Variants in PACS2 observed in about 807,000 individuals in gnomAD.
PACS2 encodes the protein PACS1-like protein.
In PACS2, 36 loss-of-function variants were observed where a neutral mutation model predicts 113.0. The ratio of observed to expected loss-of-function variants is 0.32; its 90% CI spans 0.24 to 0.42. PACS2 has a LOEUF of 0.42. Ranked by LOEUF, PACS2 falls within the 10% of genes least tolerant of loss-of-function variation. PACS2 has a pLI of 1.00. For missense variants in PACS2, 1,015 were observed against 1,239.5 expected (o/e 0.82, Z 2.72); for synonymous variants, 589 against 536.1 (o/e 1.10, Z -1.36).
chr14:105,383,679 TTTG>T, intron 16 of PACS2, 166 bp downstream of exon 16: 1 of 597,198 alleles, frequency 1.7e-6, no homozygotes, highest in Non-Finnish European at 2.9e-6. Context: ...TTGCTACACA[TTTG>T]TTGTTTTTAA....
intron 1 of PACS2, among the ~76,000 whole-genome samples, chr14:105,306,647 C>T (rs775917354): frequency 2.8e-4 from 43 of 151,666 alleles, no homozygotes; most frequent in Admixed American, 1.8e-3. Flanking sequence ...GCTGTGTCGC[C>T]CAGGCTGTAG....
At chr14:105,341,724 A>G (rs2059731847) in intron 1 of PACS2, among the ~76,000 whole-genome samples, 1 of 152,208 alleles carries the variant, frequency 6.6e-6, no homozygotes, top group Non-Finnish European at 1.5e-5. Flanking sequence ...TATGTTTTAG[A>G]GACAGAGTCT....
At position 105,330,646 on chromosome 14, in the gene PACS2, C is replaced by T. The variant is rs1250701847; in HGVS notation, c.119+15609C>T. Among the ~76,000 whole-genome samples, 1 of 152,228 alleles carries T rather than the reference C, an allele frequency of 6.6e-6. No homozygotes were observed. The highest frequency in any genetic ancestry group is 1.5e-5 in the Non-Finnish European group (1 of 68,028). ...ACCCCTCGCCCCTGTCTCCACGGAGCACCGTGGGACTCTGGCATCAGAATC... is the reference window on the plus strand; with the variant it reads ...ACCCCTCGCCCCTGTCTCCACGGAGTACCGTGGGACTCTGGCATCAGAATC... On this transcript the variant is annotated intron_variant, in intron 1 of 24. Transcript: ENST00000447393. This position sits in a 1 kb window ranked among gnomAD's most constrained non-coding sequence, Gnocchi z 6.9.
At chr14:105,392,549 CAG>C (rs1555415193) in intron 22 of PACS2, 68 bp from the exon 23 acceptor site, 1 of 1,363,138 alleles carries the variant, frequency 7.3e-7, no homozygotes, top group Non-Finnish European at 1.0e-6. Flanking sequence ...TGGCCTGTCA[CAG>C]GGACAGTGAT....
At chr14:105,385,608 T>G in intron 18 of PACS2, 77 bp from the exon 19 acceptor site, 1 of 961,824 alleles carries the variant, frequency 1.0e-6, no homozygotes, top group Non-Finnish European at 1.5e-6. Context: ...AGCCACTGAG[T>G]GCCCTCGGCG....
At chr14:105,349,336 G>T (rs1166747686) in intron 2 of PACS2, among the ~76,000 whole-genome samples, 1 of 152,248 alleles carries the variant, frequency 6.6e-6, no homozygotes, top group African/African-American at 2.4e-5. Flanking sequence ...CAGCATACAG[G>T]AGTGTCCTTC....
chr14:105,367,396 C>T (rs782651823), intron 5 of PACS2, 21 bp downstream of exon 5: 15 of 1,607,606 alleles, frequency 9.3e-6, no homozygotes, highest in Non-Finnish European at 1.3e-5. Flanking sequence ...TGCCAGCCCG[C>T]TCCTGCCCCT....
chr14:105,381,125 G>A (rs1555411923), intron 12 of PACS2, 26 bp downstream of exon 12: 2 of 1,597,940 alleles, frequency 1.3e-6, no homozygotes, highest in South Asian at 1.1e-5. Context: ...CGGCGGGGCG[G>A]GGCGGTGATG....
chr14:105,376,849 A>G lies in PACS2; in HGVS notation c.883A>G (p.Met295Val), dbSNP rs377119981. 32 of 1,613,080 alleles carry G rather than the reference A, an allele frequency of 2.0e-5. No individual in the cohort carries two copies. The highest frequency in any genetic ancestry group is 4.0e-5 in the African/African-American group (3 of 74,918). ...DLDLLYDTLD[M>V]EHPSDSGPDM... ...GGACCTCCTGTATGACACCCTGGAC[A>G]TGGAGCACCCCAGCGACAGCGGCCC... The change falls in exon 9 of 25, where the codon ATG becomes GTG. Residue 295 changes from methionine to valine, a missense_variant. Physicochemically the swap from Met to Val is conservative, Grantham distance 21 (BLOSUM62 1). Around this residue, in one of 3 missense-constraint regions of PACS2, gnomAD observed 859 missense variants for 1,056.8 expected, o/e 0.81. Transcript: ENST00000447393. The surrounding 1 kb of genome is among the most constrained non-coding windows in gnomAD (Gnocchi z 4.7).
intron 10 of PACS2, 67 bp downstream of exon 10, chr14:105,379,896 T>C: frequency 6.7e-7 from 1 of 1,489,822 alleles, no homozygotes. Flanking sequence ...GTGGCCCAAA[T>C]CTCCCAGCAT....
In PACS2 at chr14:105,376,988, C is replaced by T. The variant is rs919377781; in HGVS notation, c.959+63C>T. On this transcript the variant is annotated intron_variant, in intron 9 of 24. Transcript: ENST00000447393. The surrounding 1 kb of genome is among the most constrained non-coding windows in gnomAD (Gnocchi z 4.7). Reference sequence around the variant, plus strand: ...TTCAGATGCCCCGGCCACTCTGCGACCACTCTGGCAGACCCATGTCCAGCC... The same window carrying T: ...TTCAGATGCCCCGGCCACTCTGCGATCACTCTGGCAGACCCATGTCCAGCC... 6 of 1,490,896 alleles carry T rather than the reference C, an allele frequency of 4.0e-6. No individual in the cohort carries two copies. In the African/African-American group the frequency reaches 5.6e-5, roughly 14 times the overall value. The allele number at this position is 1,490,896 out of a possible 1,614,324, so 92.4% of individuals were successfully genotyped here.
At chr14:105,368,971 G>A (rs1287646591) in intron 7 of PACS2, among the ~76,000 whole-genome samples, 3 of 152,360 alleles carry the variant, frequency 2.0e-5, no homozygotes, top group Non-Finnish European at 2.9e-5. Context: ...TTTTCCCTGA[G>A]GAAAGCTCAG....
intron 1 of PACS2, among the ~76,000 whole-genome samples, chr14:105,335,908 C>T (rs2059499008): frequency 6.6e-6 from 1 of 152,242 alleles, no homozygotes; most frequent in Admixed American, 6.5e-5. Context: ...GGAACTCTCT[C>T]CATGAGGACG....
intron 15 of PACS2, 92 bp from the exon 16 acceptor site, chr14:105,383,267 A>C: frequency 6.9e-7 from 1 of 1,447,790 alleles, no homozygotes; most frequent in Non-Finnish European, 9.6e-7. Flanking sequence ...ACAGGCACGG[A>C]GCCCCCTGGG....
chr14:105,362,208 G>A (rs2060722393), intron 4 of PACS2, among the ~76,000 whole-genome samples: 1 of 151,310 alleles, frequency 6.6e-6, no homozygotes, highest in Non-Finnish European at 1.5e-5. Context: ...CACGAGGTCA[G>A]GAGATCAAGA....
At chr14:105,364,481 T>TGGGCGGCGGCCC (rs1555407479) in intron 4 of PACS2, among the ~76,000 whole-genome samples, 7 of 130,422 alleles carry the variant, frequency 5.4e-5, no homozygotes, top group African/African-American at 1.2e-4. Context: ...GGGTGCGCGG[T>TGGGCGGCGGCCC]GGGTGGCGGC....
In PACS2 at chr14:105,387,540, CAT is replaced by C. The variant is rs144986686; in HGVS notation, c.2033+1824_2033+1825del. On this transcript the variant is annotated intron_variant, in intron 19 of 24. Coordinates refer to ENST00000447393, the MANE Select transcript of PACS2 (RefSeq NM_001100913.3). ...CTCCTGACCACACTGCCTCCACAGA[CAT>C]GTGTGTGCCTCCAGGGTCAGGATGA... Among the ~76,000 whole-genome samples, 122 of 152,348 alleles carry C rather than the reference CAT, an allele frequency of 8.0e-4. 1 individual carries two copies. The highest frequency in any genetic ancestry group is 4.1e-3 in the East Asian group (21 of 5,178).
At chr14:105,350,928 CT>C (rs1173584485) in intron 2 of PACS2, among the ~76,000 whole-genome samples, 1 of 152,200 alleles carries the variant, frequency 6.6e-6, no homozygotes, top group Admixed American at 6.5e-5. Context: ...TCTTGCCACG[CT>C]GCACGTGAGG....
chr14:105,337,431 C>T (rs1457026575), intron 1 of PACS2, among the ~76,000 whole-genome samples: 1 of 152,224 alleles, frequency 6.6e-6, no homozygotes, highest in African/African-American at 2.4e-5. Context: ...GTTCAAACGG[C>T]AAGTTTTACG....
Sources: gnomAD v4.1 joint callset for allele counts (sites outside exome capture counted in the v4.1 genomes callset) on GRCh38, gnomAD v4.1.1 for gene constraint, gnomAD v4.1.1 regional missense constraint, Gnocchi (gnomAD v3.1) non-coding constraint, MANE v1.5 for transcripts, NCBI Gene and HGNC (gene_info 2026-07-23, HGNC 2026-07-21) for gene names.